The following NEDD4L variants were observed in gnomAD, a reference collection of about 807,000 sequenced individuals.
NEDD4L encodes the protein E3 ubiquitin-protein ligase NEDD4-like.
A neutral mutation model predicts 148.9 loss-of-function variants in NEDD4L; 54 were observed. The ratio of observed to expected loss-of-function variants is 0.36; its 90% CI spans 0.29 to 0.45. The LOEUF (loss-of-function observed/expected upper bound fraction) is 0.45, where lower values mean the gene tolerates loss of function less well. NEDD4L is among the 20% of genes least tolerant of loss of function. NEDD4L has a pLI of 1.00. For missense variants in NEDD4L, 856 were observed against 1,233.8 expected, an observed-to-expected ratio of 0.69 and a Z score of 4.59; for synonymous variants, 433 against 440.7, an observed-to-expected ratio of 0.98 and a Z score of 0.22.
chr18:58,044,793 G>A, intron 1 of NEDD4L, 85 bp downstream of exon 1: 3 of 1,514,546 alleles, frequency 2.0e-6, no homozygotes, highest in Middle Eastern at 1.8e-4. Flanking sequence ...GGCCGTCCCC[G>A]GGGTGCTCGT....
intron 2 of NEDD4L, among the ~76,000 whole-genome samples, chr18:58,183,646 C>T (rs915091081): frequency 7.2e-5 from 11 of 152,202 alleles, no homozygotes; most frequent in East Asian, 1.9e-4. Context: ...CCATGCTGCA[C>T]GCATGGGCCT....
chr18:58,250,181 C>T (rs954008931), intron 4 of NEDD4L, among the ~76,000 whole-genome samples: 34 of 149,730 alleles, frequency 2.3e-4, no homozygotes, highest in Non-Finnish European at 4.0e-4. Flanking sequence ...GATGGAGTCT[C>T]ACTCTGTCAC....
chr18:58,130,255 G>A (rs2031860213), intron 1 of NEDD4L, among the ~76,000 whole-genome samples: 2 of 142,222 alleles, frequency 1.4e-5, no homozygotes, highest in Admixed American at 1.4e-4. Context: ...TTGGGCTCTG[G>A]AGTTTGGTTG....
At chr18:58,273,689 G>A (rs1358026262) in intron 5 of NEDD4L, among the ~76,000 whole-genome samples, 1 of 152,170 alleles carries the variant, frequency 6.6e-6, no homozygotes, top group African/African-American at 2.4e-5. Flanking sequence ...TGGTGTTGTA[G>A]ATTAAGGCAA....
At chr18:58,306,930 A>G (rs931293719) in intron 5 of NEDD4L, among the ~76,000 whole-genome samples, 1 of 152,170 alleles carries the variant, frequency 6.6e-6, no homozygotes, top group African/African-American at 2.4e-5. Flanking sequence ...CACCATGCCC[A>G]GGCAAGTTTC....
rs557383655 is a variant in NEDD4L at position 58,308,746 on chromosome 18, C to T, written c.298-7236C>T. Among the ~76,000 whole-genome samples, 638 of 152,340 alleles carry T rather than the reference C, an allele frequency of 4.2e-3. 3 individuals carry two copies. Among genetic ancestry groups the T allele is most frequent in the African/African-American group, 0.012 (486 of 41,580 alleles). Reference sequence around the variant, plus strand: ...TGGCCGCGCCTCCCTTGGGCTGCTTCTTCCTCCACCGTCCTCCACTTTTGC... The same window carrying T: ...TGGCCGCGCCTCCCTTGGGCTGCTTTTTCCTCCACCGTCCTCCACTTTTGC... On this transcript the variant is annotated intron_variant, in intron 5 of 30. Transcript: ENST00000400345.
chr18:58,044,772 GA>G, intron 1 of NEDD4L, 64 bp downstream of exon 1: 3 of 1,572,666 alleles, frequency 1.9e-6, no homozygotes, highest in Non-Finnish European at 1.7e-6. Context: ...CCGGCAGGGG[GA>G]GGGGAAAGGG....
chr18:58,054,243 A>G (rs917134760), intron 1 of NEDD4L, among the ~76,000 whole-genome samples: 12 of 152,334 alleles, frequency 7.9e-5, no homozygotes, highest in African/African-American at 2.2e-4. Context: ...AGGCTCCACA[A>G]ACTTACTTAC....
intron 2 of NEDD4L, chr18:58,190,012 T>A (rs921665913): frequency 6.6e-6 from 1 of 152,242 alleles, no homozygotes; most frequent in African/African-American, 2.4e-5. Flanking sequence ...CCAAATCGTT[T>A]TTAGGGAAAA....
At chr18:58,202,547 C>T (rs901334100) in intron 2 of NEDD4L, among the ~76,000 whole-genome samples, 2 of 152,238 alleles carry the variant, frequency 1.3e-5, no homozygotes, top group Non-Finnish European at 2.9e-5. Flanking sequence ...CATGCAACAG[C>T]GGTTTGCAAA....
At chr18:58,316,155 G>A in intron 6 of NEDD4L, 123 bp downstream of exon 6, 1 of 802,012 alleles carries the variant, frequency 1.2e-6, no homozygotes, top group East Asian at 2.4e-5. Flanking sequence ...TGAAGCACGT[G>A]TGCTGTGGCC....
At chr18:58,230,645 G>A (rs1568434717) in intron 2 of NEDD4L, among the ~76,000 whole-genome samples, 3 of 152,022 alleles carry the variant, frequency 2.0e-5, no homozygotes, top group Admixed American at 6.5e-5. Context: ...ATTTGAACTC[G>A]ATTACCTCTG....
chr18:58,279,367 T>G (rs1293129388), intron 5 of NEDD4L, among the ~76,000 whole-genome samples: 1 of 152,138 alleles, frequency 6.6e-6, no homozygotes, highest in Non-Finnish European at 1.5e-5. Flanking sequence ...AAGCTATGGA[T>G]TCTCAGGATT....
chr18:58,098,166 A>C (rs910366099), intron 1 of NEDD4L, among the ~76,000 whole-genome samples: 4 of 152,110 alleles, frequency 2.6e-5, no homozygotes, highest in African/African-American at 9.7e-5. Flanking sequence ...GAAGGGGGAG[A>C]GTTCATGCCT....
intron 5 of NEDD4L, among the ~76,000 whole-genome samples, chr18:58,295,145 G>C (rs940241244): frequency 3.3e-5 from 5 of 152,122 alleles, no homozygotes; most frequent in Non-Finnish European, 5.9e-5. Context: ...TTACACTAGG[G>C]TTCTCTCTTG....
intron 2 of NEDD4L, among the ~76,000 whole-genome samples, chr18:58,237,324 A>G (rs1303685289): frequency 6.6e-6 from 1 of 152,200 alleles, no homozygotes; most frequent in Non-Finnish European, 1.5e-5. Context: ...AAAAGGGAAC[A>G]GTTTTTGTTT....
In NEDD4L at chr18:58,343,486, G is replaced by T. The variant is rs759549898; in HGVS notation, c.1575+383G>T. Among the ~76,000 whole-genome samples the T allele has an allele frequency of 2.6e-5, 4 of 152,066 alleles. 1 individual carries two copies. The South Asian group carries it at 8.3e-4, about 32-fold the overall frequency. The stretch of plus-strand genomic sequence containing the variant: ...TTTTTTCTTTTGTCAGTTTCTTCTT[G>T]CACTTTCATTGGCATTACCCACCTT... On this transcript the variant is annotated intron_variant, in intron 16 of 30. Transcript: ENST00000400345.
At chr18:58,264,449 C>T (rs2049927177) in intron 5 of NEDD4L, among the ~76,000 whole-genome samples, 1 of 151,942 alleles carries the variant, frequency 6.6e-6, no homozygotes, top group Non-Finnish European at 1.5e-5. Flanking sequence ...CTGGCCAGTT[C>T]CTTTAATTTT....
chr18:58,176,359 G>A (rs2038152571), intron 2 of NEDD4L, among the ~76,000 whole-genome samples: 1 of 152,024 alleles, frequency 6.6e-6, no homozygotes, highest in Admixed American at 6.6e-5. Context: ...AAAAGAGACA[G>A]GAGTCTTGCT....
Sources: allele counts gnomAD v4.1 joint callset (sites outside exome capture counted in the v4.1 genomes callset), GRCh38; gene constraint gnomAD v4.1.1; transcripts MANE v1.5; gene names NCBI Gene and HGNC (gene_info 2026-07-23, HGNC 2026-07-21).